Variants in RALGPS2 observed in about 807,000 individuals in gnomAD.
RALGPS2 encodes ras-specific guanine nucleotide-releasing factor RalGPS2.
RALGPS2 carries 43 observed loss-of-function variants against 86.8 expected under a neutral mutation model. The ratio of observed to expected loss-of-function variants is 0.50; its 90% CI spans 0.39 to 0.64. The LOEUF is 0.64. RALGPS2 is among the 30% of genes least tolerant of loss of function. RALGPS2 has a pLI of 0.00. For synonymous variants in RALGPS2, 243 were observed against 231.3 expected, an observed-to-expected ratio of 1.05 and a Z score of -0.46; for missense variants, 536 against 694.6, an observed-to-expected ratio of 0.77 and a Z score of 2.57.
chr1:178,844,471 T>G (rs1170722114), intron 8 of RALGPS2, among the ~76,000 whole-genome samples: 1 of 152,194 alleles, frequency 6.6e-6, no homozygotes, highest in Non-Finnish European at 1.5e-5. Flanking sequence ...TAGAAATGTT[T>G]TCTCGGCTCT....
At chr1:178,908,516 A>G (rs1050427550) in intron 19 of RALGPS2, among the ~76,000 whole-genome samples, 16 of 152,204 alleles carry the variant, frequency 1.1e-4, no homozygotes, top group African/African-American at 3.1e-4. Flanking sequence ...GCTGCTTTCC[A>G]CAGTGGCTGA....
chr1:178,871,269 A>G (rs549976742), intron 8 of RALGPS2, among the ~76,000 whole-genome samples: 1 of 152,140 alleles, frequency 6.6e-6, no homozygotes, highest in Non-Finnish European at 1.5e-5. Flanking sequence ...GGTTGAAGGA[A>G]GGGCACCATC....
intron 1 of RALGPS2, among the ~76,000 whole-genome samples, chr1:178,745,988 A>G (rs1221492509): frequency 6.6e-5 from 10 of 151,730 alleles, no homozygotes. Flanking sequence ...TACCTGGCTA[A>G]TTTTTGTATT....
chr1:178,875,207 A>G lies in RALGPS2; in HGVS notation c.608-2291A>G, dbSNP rs1188375153. On this transcript the variant is annotated intron_variant, in intron 8 of 19. Transcript: ENST00000367635. Reference sequence around the variant, plus strand: ...TTGTAAAATAGCTCAGAAGGACCAAATGGGTGCACTGGAGACAGGATACCC... The same window carrying G: ...TTGTAAAATAGCTCAGAAGGACCAAGTGGGTGCACTGGAGACAGGATACCC... Among the ~76,000 whole-genome samples, 4 of 152,202 alleles carry G rather than the reference A, an allele frequency of 2.6e-5. No homozygotes were observed. In the South Asian group the frequency reaches 6.2e-4, roughly 24 times the overall value.
rs79792886 is a variant in RALGPS2, at chr1:178,800,471, G to A, written c.214-7574G>A. On this transcript the variant is annotated intron_variant, in intron 4 of 19. Transcript: ENST00000367635. Reference sequence around the variant, plus strand: ...CTATACACCATGAAGATGCAAGGATGAAGACCTTAATGATGATCCACTTCC... The same window carrying A: ...CTATACACCATGAAGATGCAAGGATAAAGACCTTAATGATGATCCACTTCC... 2.3e-3 allele frequency among the ~76,000 whole-genome samples: 348 copies of A among 152,124 alleles called. 3 individuals carry two copies. Among genetic ancestry groups the A allele is most frequent in the East Asian group, 0.01 (53 of 5,168 alleles).
chr1:178,839,841 A>C (rs922870278), intron 8 of RALGPS2, among the ~76,000 whole-genome samples: 4 of 152,162 alleles, frequency 2.6e-5, no homozygotes, highest in African/African-American at 9.7e-5. Flanking sequence ...GGAAAACAAA[A>C]AAAGGGGTTG....
intron 19 of RALGPS2, among the ~76,000 whole-genome samples, chr1:178,908,509 G>C (rs1228893005): frequency 1.3e-5 from 2 of 152,212 alleles, no homozygotes; most frequent in African/African-American, 2.4e-5. Context: ...TCTCCAAGCT[G>C]CTTTCCACAG....
chr1:178,859,866 G>T (rs112200229), intron 8 of RALGPS2, among the ~76,000 whole-genome samples: 1 of 112,690 alleles, frequency 8.9e-6, no homozygotes, highest in African/African-American at 3.4e-5. Context: ...ACAGGCGCCC[G>T]CCACCACGCC....
chr1:178,836,859 G>C (rs1558141970), intron 8 of RALGPS2, among the ~76,000 whole-genome samples: 1 of 152,012 alleles, frequency 6.6e-6, no homozygotes, highest in East Asian at 1.9e-4. Context: ...GCTCACTGCA[G>C]CTTCAAACTT....
At chr1:178,801,338 C>T (rs184002017) in intron 4 of RALGPS2, among the ~76,000 whole-genome samples, 1 of 151,998 alleles carries the variant, frequency 6.6e-6, no homozygotes, top group Non-Finnish European at 1.5e-5. Context: ...AAAAGTCTTT[C>T]CCATCCTGAA....
At chr1:178,885,249 C>CTTTTGTAATTGGATT (rs1558170681) in intron 12 of RALGPS2, 38 bp downstream of exon 12, 5 of 1,568,590 alleles carry the variant, frequency 3.2e-6, no homozygotes. Context: ...ATTTTTAAGT[C>CTTTTGTAATTGGATT]TTTTGTAATT....
intron 8 of RALGPS2, among the ~76,000 whole-genome samples, chr1:178,858,100 T>C (rs561450548): frequency 1.3e-5 from 2 of 152,302 alleles, no homozygotes; most frequent in Middle Eastern, 3.4e-3. Context: ...CCAGAACATA[T>C]GGATAAAATT....
At chr1:178,865,648 T>G in intron 8 of RALGPS2, 1 of 1,614,072 alleles carries the variant, frequency 6.2e-7, no homozygotes, top group South Asian at 1.1e-5. Context: ...TTGCTTCCTC[T>G]TTACCATCTG....
At chr1:178,786,830 A>G (rs1276244349) in intron 4 of RALGPS2, among the ~76,000 whole-genome samples, 1 of 152,040 alleles carries the variant, frequency 6.6e-6, no homozygotes, top group Non-Finnish European at 1.5e-5. Flanking sequence ...TGTAATGACT[A>G]TGAGTTTCCA....
intron 8 of RALGPS2, among the ~76,000 whole-genome samples, chr1:178,862,054 G>A (rs941478052): frequency 6.6e-6 from 1 of 151,998 alleles, no homozygotes; most frequent in Non-Finnish European, 1.5e-5. Context: ...TGTATTTTTA[G>A]TAGAGACGGG....
intron 8 of RALGPS2, among the ~76,000 whole-genome samples, chr1:178,856,202 G>GAGAT (rs1428022812): frequency 4.4e-4 from 37 of 83,900 alleles, no homozygotes; most frequent in East Asian, 2.0e-3. Flanking sequence ...GAGAGAGAGA[G>GAGAT]ATATATATAT....
At chr1:178,841,194 C>G (rs938956797) in intron 8 of RALGPS2, among the ~76,000 whole-genome samples, 1 of 151,514 alleles carries the variant, frequency 6.6e-6, no homozygotes, top group African/African-American at 2.4e-5. Flanking sequence ...AGAGACACAA[C>G]AAAAAAAGAG....
intron 1 of RALGPS2, among the ~76,000 whole-genome samples, chr1:178,766,467 G>C (rs12410788): frequency 0.16 from 24,232 of 151,664 alleles, 2,161 homozygotes; most frequent in East Asian, 0.31. Context: ...TACATCAAGT[G>C]ATCTGCCCAC....
chr1:178,824,391 T>G (rs1053966051), intron 7 of RALGPS2, among the ~76,000 whole-genome samples: 1 of 152,302 alleles, frequency 6.6e-6, no homozygotes, highest in Non-Finnish European at 1.5e-5. Context: ...ATATGTTTTA[T>G]GTTGGTGGCA....
Sources: allele counts gnomAD v4.1 joint callset (sites outside exome capture counted in the v4.1 genomes callset), GRCh38; gene constraint gnomAD v4.1.1; transcripts MANE v1.5; gene names NCBI Gene and HGNC (gene_info 2026-07-23, HGNC 2026-07-21).